RNF11: variants seen among roughly 807,000 people sequenced by gnomAD.
RNF11 encodes ring finger protein 11.
A neutral mutation model predicts 15.8 loss-of-function variants in RNF11; 4 were observed. The observed-to-expected ratio is 0.25, with a 90% confidence interval of 0.12 to 0.58. The LOEUF is 0.58. RNF11 is among the 20% of genes least tolerant of loss of function. The probability of loss-of-function intolerance (pLI) is 0.91; values close to 1 mark genes in which losing one functional copy is unlikely to be tolerated. For synonymous variants in RNF11, 68 were observed against 72.3 expected, an observed-to-expected ratio of 0.94 and a Z score of 0.30; for missense variants, 139 against 194.4, an observed-to-expected ratio of 0.71 and a Z score of 1.70.
chr1:51,257,733 C>T (rs1197407786), intron 1 of RNF11, among the ~76,000 whole-genome samples: 1 of 151,740 alleles, frequency 6.6e-6, no homozygotes, highest in Non-Finnish European at 1.5e-5. Flanking sequence ...GCTGGGATTA[C>T]AGGCGTGAGC....
In RNF11 at chr1:51,236,711, A is replaced by C; in HGVS notation, c.-46A>C. On this transcript the variant is annotated 5_prime_UTR_variant, in exon 1 of 3. Transcript: ENST00000242719. Reference sequence around the variant, plus strand: ...GACCGCGGAGTGTGCGAACGACCCCACCGCTGCTTTCTCCTCCCCCAGATC... The same window carrying C: ...GACCGCGGAGTGTGCGAACGACCCCCCCGCTGCTTTCTCCTCCCCCAGATC... 1 of 1,605,304 alleles carries C rather than the reference A, an allele frequency of 6.2e-7. No homozygotes were observed. The highest frequency in any genetic ancestry group is 8.5e-7 in the Non-Finnish European group (1 of 1,176,444).
At chr1:51,237,063 C>A (rs928097037) in intron 1 of RNF11, among the ~76,000 whole-genome samples, 184 bp downstream of exon 1, 10 of 152,060 alleles carry the variant, frequency 6.6e-5, no homozygotes, top group African/African-American at 2.4e-4. Flanking sequence ...TTCGCCTGCC[C>A]TCGGGCACCG....
At position 51,272,927 on chromosome 1, in the gene RNF11, A is replaced by G. The variant is rs1015250413; in HGVS notation, c.*1605A>G. ...TAAAGATTTGACATTCAACTGTAGT[A>G]TCCATATGTTGCTTAAATTTCCTTA... On this transcript the variant is annotated 3_prime_UTR_variant, in exon 3 of 3. Transcript: ENST00000242719. 1 of 152,154 alleles carries G rather than the reference A, an allele frequency of 6.6e-6. No homozygotes were observed. The highest frequency in any genetic ancestry group is 1.5e-5 in the Non-Finnish European group (1 of 67,978). 9.4% of individuals were successfully genotyped at this position (152,154 alleles called of 1,614,324 possible). A position where few individuals can be genotyped will look rare whatever the true frequency, so the allele number is the denominator to read the frequency against.
chr1:51,236,953 C>T, intron 1 of RNF11, 74 bp downstream of exon 1: 1 of 1,519,450 alleles, frequency 6.6e-7, no homozygotes, highest in Non-Finnish European at 8.9e-7. Context: ...TCGGGGCCGT[C>T]TCTGCCCCTG....
intron 1 of RNF11, among the ~76,000 whole-genome samples, chr1:51,247,453 T>C (rs1646857535): frequency 6.9e-6 from 1 of 145,654 alleles, no homozygotes; most frequent in Admixed American, 6.7e-5. Context: ...TTTGTTTTTT[T>C]GTTTTTTTTT....
intron 1 of RNF11, among the ~76,000 whole-genome samples, chr1:51,245,645 G>A (rs1206610225): frequency 6.6e-6 from 1 of 151,654 alleles, no homozygotes. Context: ...TAGAGATGGG[G>A]TTTCACCATG....
intron 1 of RNF11, chr1:51,251,398 C>G (rs896273129): frequency 2.9e-6 from 4 of 1,386,108 alleles, no homozygotes; most frequent in African/African-American, 1.4e-5. Context: ...CTGCCGAAAC[C>G]TCCGCGGAAG....
In RNF11 at chr1:51,249,773, A is replaced by T. The variant is rs569422695; in HGVS notation, c.123+12894A>T. 1.1e-4 allele frequency among the ~76,000 whole-genome samples: 17 copies of T among 152,296 alleles called. No individual in the cohort carries two copies. The South Asian group carries it at 3.5e-3, about 32-fold the overall frequency. ...TAAATAAAGATGCTGTGAACATTATACCTGAGCACCTATTTTGAGTATATA... is the reference window on the plus strand; with the variant it reads ...TAAATAAAGATGCTGTGAACATTATTCCTGAGCACCTATTTTGAGTATATA... On this transcript the variant is annotated intron_variant, in intron 1 of 2. Transcript: ENST00000242719.
chr1:51,239,301 G>C (rs539758395), intron 1 of RNF11, among the ~76,000 whole-genome samples: 2 of 152,174 alleles, frequency 1.3e-5, no homozygotes, highest in Non-Finnish European at 2.9e-5. Context: ...TGAGGGATGA[G>C]GGGTTTTTGG....
chr1:51,255,552 C>T (rs1456344386), intron 1 of RNF11, among the ~76,000 whole-genome samples: 1 of 152,218 alleles, frequency 6.6e-6, no homozygotes, highest in African/African-American at 2.4e-5. Context: ...CGACTGCACC[C>T]AGCTGTGTTT....
chr1:51,245,155 G>T (rs1646846236), intron 1 of RNF11, among the ~76,000 whole-genome samples: 1 of 152,144 alleles, frequency 6.6e-6, no homozygotes, highest in African/African-American at 2.4e-5. Flanking sequence ...AACCTCACGG[G>T]CCCAAGCCAT....
rs1646809918 is a variant in RNF11 at position 51,237,440 on chromosome 1, G to GTGTATATATATATATATATATA, written c.123+570_123+591dup. Among the ~76,000 whole-genome samples, 4 of 128,276 alleles carry GTGTATATATATATATATATATA rather than the reference G, an allele frequency of 3.1e-5. No homozygotes were observed. In the Admixed American group the frequency reaches 3.2e-4, roughly 10 times the overall value. The allele number at this position is 128,276 out of a possible 152,430, so 84.2% of individuals were successfully genotyped here. Reference sequence around the variant, plus strand: ...TGTGTGTGTGTATATATATATATATGTGTATATATATATATATATATATGT... The same window carrying GTGTATATATATATATATATATA: ...TGTGTGTGTGTATATATATATATATGTGTATATATATATATATATATATGTATATATATATATATATATATGT... On this transcript the variant is annotated intron_variant, in intron 1 of 2. Coordinates refer to ENST00000242719, the MANE Select transcript of RNF11 (RefSeq NM_014372.5).
At chr1:51,269,437 A>C (rs1646968950) in intron 1 of RNF11, among the ~76,000 whole-genome samples, 1 of 152,230 alleles carries the variant, frequency 6.6e-6, no homozygotes, top group Admixed American at 6.5e-5. Context: ...TCTCAAAAAA[A>C]GGTGGGGGTT....
intron 1 of RNF11, among the ~76,000 whole-genome samples, chr1:51,266,669 C>T (rs1414814767): frequency 1.3e-5 from 2 of 152,014 alleles, no homozygotes; most frequent in Non-Finnish European, 2.9e-5. Flanking sequence ...CACCATGTTG[C>T]CCAGGCTGGT....
intron 1 of RNF11, among the ~76,000 whole-genome samples, chr1:51,242,893 TC>T (rs1370260324): frequency 1.3e-5 from 2 of 152,256 alleles, no homozygotes; most frequent in Non-Finnish European, 2.9e-5. Context: ...ATTTCACGTA[TC>T]TAGGCCTTAT....
At chr1:51,258,505 T>G (rs1165148650) in intron 1 of RNF11, among the ~76,000 whole-genome samples, 1 of 152,238 alleles carries the variant, frequency 6.6e-6, no homozygotes, top group Non-Finnish European at 1.5e-5. Context: ...ATACTGGAAT[T>G]AAGTAGGTTA....
At chr1:51,262,477 T>C (rs1019179960) in intron 1 of RNF11, among the ~76,000 whole-genome samples, 16 of 152,314 alleles carry the variant, frequency 1.1e-4, no homozygotes, top group Admixed American at 5.9e-4. Flanking sequence ...AATTTAAAAT[T>C]TGTTCTTCAA....
At chr1:51,247,477 T>C (rs1327200354) in intron 1 of RNF11, among the ~76,000 whole-genome samples, 2 of 150,472 alleles carry the variant, frequency 1.3e-5, no homozygotes, top group Non-Finnish European at 3.0e-5. Context: ...GTAAAGACAG[T>C]GTCTCATTAT....
chr1:51,243,776 T>G (rs1021346922), intron 1 of RNF11, among the ~76,000 whole-genome samples: 1 of 152,222 alleles, frequency 6.6e-6, no homozygotes, highest in Non-Finnish European at 1.5e-5. Flanking sequence ...ACTGAAGATA[T>G]CTGACTTAGC....
Sources: allele counts gnomAD v4.1 joint callset (sites outside exome capture counted in the v4.1 genomes callset), GRCh38; gene constraint gnomAD v4.1.1; transcripts MANE v1.5; gene names NCBI Gene and HGNC (gene_info 2026-07-23, HGNC 2026-07-21).